The following EBF1 variants were observed in gnomAD, a reference collection of about 807,000 sequenced individuals.
The protein encoded by EBF1 is EBF transcription factor 1, also known as transcription factor COE1.
EBF1 carries 10 observed loss-of-function variants against 68.4 expected under a neutral mutation model. That is an observed-to-expected ratio of 0.15 (90% confidence interval 0.09 to 0.25). EBF1 has a LOEUF of 0.25. Among genes scored for constraint, EBF1 ranks in the 10% least tolerant of loss-of-function variants. The pLI, the probability that EBF1 is intolerant of heterozygous loss-of-function variation, is 1.00. For missense variants in EBF1, 509 were observed against 794.4 expected, an observed-to-expected ratio of 0.64 and a Z score of 4.32; for synonymous variants, 298 against 299.8, an observed-to-expected ratio of 0.99 and a Z score of 0.06.
At chr5:158,790,281 A>C (rs1427979696) in intron 9 of EBF1, among the ~76,000 whole-genome samples, 1 of 152,208 alleles carries the variant, frequency 6.6e-6, no homozygotes, top group African/African-American at 2.4e-5. Flanking sequence ...GCAAAATATG[A>C]GGGAAATTTT....
intron 6 of EBF1, among the ~76,000 whole-genome samples, chr5:158,988,345 C>T (rs17056391): frequency 0.011 from 1,743 of 152,226 alleles, 41 homozygotes; most frequent in African/African-American, 0.04. Flanking sequence ...TTTCCCTATA[C>T]GCTGACTCTT....
chr5:159,002,995 A>G (rs922797755), intron 6 of EBF1, among the ~76,000 whole-genome samples: 4 of 152,302 alleles, frequency 2.6e-5, no homozygotes, highest in African/African-American at 9.6e-5. Context: ...ATCACTCTTT[A>G]CTCATGATGC....
chr5:158,860,534 C>T (rs1384066503), intron 6 of EBF1, among the ~76,000 whole-genome samples: 2 of 152,168 alleles, frequency 1.3e-5, no homozygotes, highest in African/African-American at 2.4e-5. Flanking sequence ...CCACCTCTCA[C>T]GATTTCCACT....
chr5:158,938,339 C>G (rs1299522190), intron 6 of EBF1, among the ~76,000 whole-genome samples: 1 of 152,180 alleles, frequency 6.6e-6, no homozygotes, highest in African/African-American at 2.4e-5. Flanking sequence ...CCTTTCACCC[C>G]CCTCCTCCCC....
chr5:158,881,965 T>C (rs1029118259), intron 6 of EBF1, among the ~76,000 whole-genome samples: 4 of 152,232 alleles, frequency 2.6e-5, no homozygotes, highest in African/African-American at 9.6e-5. Flanking sequence ...TAGTTGCTTC[T>C]GCTTAAAAAT....
chr5:158,814,421 C>T (rs796629902), intron 8 of EBF1, among the ~76,000 whole-genome samples: 10 of 152,280 alleles, frequency 6.6e-5, no homozygotes, highest in African/African-American at 2.4e-4. Context: ...TCTTTCCTCC[C>T]CAAATCTCCC....
chr5:158,951,368 A>C (rs1815929154), intron 6 of EBF1, among the ~76,000 whole-genome samples: 1 of 152,204 alleles, frequency 6.6e-6, no homozygotes, highest in South Asian at 2.1e-4. Flanking sequence ...CGTCAACTTG[A>C]GTGAATGCCC....
intron 6 of EBF1, among the ~76,000 whole-genome samples, chr5:158,927,635 T>C (rs1308180630): frequency 3.3e-5 from 5 of 152,144 alleles, no homozygotes; most frequent in Non-Finnish European, 7.3e-5. Flanking sequence ...TCTGGGTACT[T>C]CCCAGAAAAT....
intron 7 of EBF1, among the ~76,000 whole-genome samples, chr5:158,835,048 T>C (rs1057042820): frequency 6.6e-6 from 1 of 152,150 alleles, no homozygotes; most frequent in African/African-American, 2.4e-5. Context: ...AACAGAGACA[T>C]AAAAATATTT....
chr5:159,022,227 G>A (rs1238422234), intron 6 of EBF1, among the ~76,000 whole-genome samples: 2 of 152,174 alleles, frequency 1.3e-5, no homozygotes, highest in Non-Finnish European at 2.9e-5. Context: ...GTTCATGAAT[G>A]TGTTGTCACA....
At chr5:158,710,139 C>T (rs1758848933) in intron 14 of EBF1, among the ~76,000 whole-genome samples, 1 of 152,124 alleles carries the variant, frequency 6.6e-6, no homozygotes, top group South Asian at 2.1e-4. Flanking sequence ...TTCAAATCAA[C>T]TGGGCTTTGT....
At chr5:158,740,967 G>T (rs1011311417) in intron 10 of EBF1, among the ~76,000 whole-genome samples, 3 of 152,172 alleles carry the variant, frequency 2.0e-5, no homozygotes, top group African/African-American at 7.2e-5. Flanking sequence ...CAACAATTCT[G>T]TTTATTAACT....
rs999863470 is a variant in EBF1, at chr5:158,801,442, G to A, written c.779-4967C>T. Among the ~76,000 whole-genome samples, 6 of 152,096 alleles carry A rather than the reference G, an allele frequency of 3.9e-5. No individual in the cohort carries two copies. In the South Asian group the frequency reaches 1.0e-3, roughly 26 times the overall value. Reference sequence around the variant, plus strand: ...TTGCTAGCAGCAGGCACACATTTTAGCGTTTGTATGAGAGTTGATCAAAGG... The same window carrying A: ...TTGCTAGCAGCAGGCACACATTTTAACGTTTGTATGAGAGTTGATCAAAGG... On this transcript the variant is annotated intron_variant, in intron 8 of 15. Transcript: ENST00000313708.
intron 1 of EBF1, 77 bp downstream of exon 1, chr5:159,099,262 AGCTGCC>A (rs10537975): frequency 0.94 from 1,109,294 of 1,185,472 alleles, 519,412 homozygotes; most frequent in African/African-American, 0.95. Flanking sequence ...CCGCGGCAGC[AGCTGCC>A]GCTGCCGCTG....
chr5:159,060,373 C>T (rs1383785062), intron 6 of EBF1, among the ~76,000 whole-genome samples: 1 of 152,100 alleles, frequency 6.6e-6, no homozygotes, highest in African/African-American at 2.4e-5. Context: ...AATAATTTCT[C>T]ATATTTGAAA....
intron 6 of EBF1, among the ~76,000 whole-genome samples, chr5:158,986,652 C>T (rs1179285362): frequency 1.3e-5 from 2 of 152,150 alleles, no homozygotes. Flanking sequence ...ATCTGAGGAC[C>T]AAATTAAGTT....
chr5:159,060,432 A>G (rs1206217242), intron 6 of EBF1, among the ~76,000 whole-genome samples: 2 of 152,210 alleles, frequency 1.3e-5, no homozygotes, highest in African/African-American at 2.4e-5. Context: ...TAAAGTTGCT[A>G]TTTTTTAATT....
chr5:158,769,194 T>C (rs1388241447), intron 10 of EBF1, among the ~76,000 whole-genome samples: 1 of 152,198 alleles, frequency 6.6e-6, no homozygotes, highest in Non-Finnish European at 1.5e-5. Flanking sequence ...AAATACTTCA[T>C]ATCCCTATTA....
intron 6 of EBF1, among the ~76,000 whole-genome samples, chr5:159,032,878 TA>T (rs1468488003): frequency 6.6e-6 from 1 of 152,066 alleles, no homozygotes; most frequent in Non-Finnish European, 1.5e-5. Context: ...GTTCTCTATT[TA>T]AAGGAGCCCC....
Sources: gnomAD v4.1 joint callset for allele counts (sites outside exome capture counted in the v4.1 genomes callset) on GRCh38, gnomAD v4.1.1 for gene constraint, MANE v1.5 for transcripts, NCBI Gene and HGNC (gene_info 2026-07-23, HGNC 2026-07-21) for gene names.